USPL1: variants seen among roughly 807,000 people sequenced by gnomAD.
USPL1 encodes the protein SUMO-specific isopeptidase USPL1.
In USPL1, 27 loss-of-function variants were observed where a neutral mutation model predicts 51.5. The ratio of observed to expected loss-of-function variants is 0.52; its 90% CI spans 0.39 to 0.72. The LOEUF is 0.72. Ranked by LOEUF, USPL1 falls within the 30% of genes least tolerant of loss-of-function variation. The probability of loss-of-function intolerance (pLI) is 0.00; values close to 1 mark genes in which losing one functional copy is unlikely to be tolerated. For missense variants in USPL1, 1,226 were observed against 1,268.0 expected, an observed-to-expected ratio of 0.97 and a Z score of 0.50; for synonymous variants, 451 against 459.6, an observed-to-expected ratio of 0.98 and a Z score of 0.24.
At chr13:30,626,778 G>A (rs1489285625) in intron 3 of USPL1, among the ~76,000 whole-genome samples, 3 of 151,866 alleles carry the variant, frequency 2.0e-5, no homozygotes, top group Admixed American at 6.6e-5. Context: ...TTTTTAAACA[G>A]TAGGAAGTTT....
chr13:30,642,120 C>T (rs1460646094), intron 5 of USPL1, among the ~76,000 whole-genome samples: 1 of 152,012 alleles, frequency 6.6e-6, no homozygotes, highest in Non-Finnish European at 1.5e-5. Context: ...GCTATATTGG[C>T]CAGGATGGTC....
At chr13:30,649,404 T>C (rs1400768717) in intron 7 of USPL1, among the ~76,000 whole-genome samples, 1 of 152,248 alleles carries the variant, frequency 6.6e-6, no homozygotes, top group African/African-American at 2.4e-5. Flanking sequence ...TGGTGTCATA[T>C]GTAATTAAAA....
chr13:30,623,787 A>G (rs891601472), intron 3 of USPL1, among the ~76,000 whole-genome samples: 1 of 152,168 alleles, frequency 6.6e-6, no homozygotes, highest in African/African-American at 2.4e-5. Flanking sequence ...ATCAAGCTGT[A>G]TAAAAATATC....
chr13:30,631,229 C>T lies in USPL1; in HGVS notation c.623C>T (p.Ser208Phe), dbSNP rs780881578. The part of the protein sequence containing the change: ...RPSPQNEGCT[S>F]KLEMPLESKC... The stretch of plus-strand genomic sequence containing the variant: ...TCCCCTCAAAATGAAGGATGTACAT[C>T]TAAACTGGAAATGCCACTGGAGAGC... The change falls in exon 4 of 9, where the codon TCT (serine) becomes TTT (phenylalanine). Residue 208 changes from serine (S) to phenylalanine (F), a missense_variant. Physicochemically the swap from Ser to Phe is radical, Grantham distance 155. Coordinates refer to ENST00000255304, the MANE Select transcript of USPL1 (RefSeq NM_005800.5). The T allele has an allele frequency of 3.7e-6, 6 of 1,614,166 alleles. No individual in the cohort carries two copies. The highest frequency in any genetic ancestry group is 1.1e-5 in the South Asian group (1 of 91,086).
intron 4 of USPL1, among the ~76,000 whole-genome samples, chr13:30,636,349 GTT>G (rs536747171): frequency 6.8e-6 from 1 of 146,234 alleles, no homozygotes; most frequent in African/African-American, 2.5e-5. Context: ...TGCAATGTAA[GTT>G]TTTTTTTTTG....
intron 6 of USPL1, 33 bp downstream of exon 6, chr13:30,642,790 T>C: frequency 3.8e-6 from 6 of 1,598,800 alleles, no homozygotes; most frequent in Non-Finnish European, 5.1e-6. Context: ...AATGGGTTCT[T>C]CTAGTTTCTC....
intron 7 of USPL1, among the ~76,000 whole-genome samples, chr13:30,647,696 A>G (rs1285167182): frequency 1.3e-5 from 2 of 151,722 alleles, no homozygotes; most frequent in African/African-American, 4.8e-5. Context: ...CAACCTCTCT[A>G]CTCTTCATTT....
intron 6 of USPL1, among the ~76,000 whole-genome samples, chr13:30,643,327 C>T (rs1377701609): frequency 6.6e-6 from 1 of 152,126 alleles, no homozygotes; most frequent in African/African-American, 2.4e-5. Flanking sequence ...TAATGAATTT[C>T]GTGTTTAGGC....
In USPL1 at chr13:30,646,945, C is replaced by T; in HGVS notation, c.1126C>T (p.Leu376=). 6.2e-7 allele frequency: 1 copy of T among 1,613,394 alleles called. No individual in the cohort carries two copies. The highest frequency in any genetic ancestry group is 1.1e-5 in the South Asian group (1 of 90,890). ...ATTTTTTTATAGGCATATGAAGAGT[C>T]TGGTCACCTTTACAAATGTCATCCC... ...HQYQNRHMKS[L]VTFTNVIPEW... The change falls in exon 7 of 9, where the codon CTG becomes TTG. Residue 376 remains leucine, a synonymous_variant. Transcript: ENST00000255304.
chr13:30,642,021 C>T (rs974922963), intron 5 of USPL1, among the ~76,000 whole-genome samples: 1 of 152,116 alleles, frequency 6.6e-6, no homozygotes, highest in African/African-American at 2.4e-5. Flanking sequence ...AGCCTCCTGC[C>T]TTAGCCTCCT....
chr13:30,646,093 T>C (rs1457621019), intron 6 of USPL1, among the ~76,000 whole-genome samples: 2 of 152,246 alleles, frequency 1.3e-5, no homozygotes, highest in Non-Finnish European at 2.9e-5. Context: ...TGACTACTGA[T>C]GTTTTTAACA....
intron 4 of USPL1, among the ~76,000 whole-genome samples, chr13:30,634,926 A>G (rs963859806): frequency 1.1e-4 from 16 of 152,264 alleles, no homozygotes; most frequent in Non-Finnish European, 1.6e-4. Flanking sequence ...TGCCGTTTCC[A>G]CATTTTGAAG....
intron 8 of USPL1, among the ~76,000 whole-genome samples, chr13:30,654,023 T>C (rs1180782596): frequency 2.0e-5 from 3 of 152,246 alleles, no homozygotes; most frequent in Non-Finnish European, 4.4e-5. Flanking sequence ...AAAAGCACTT[T>C]ACAAACTGTA....
rs377670265 is a variant in USPL1, at chr13:30,619,226, GGAA to G, written c.-69+1177_-69+1179del. Reference sequence around the variant, plus strand: ...ATGTAAGTCAAAGTGAATTGTATTTGGAAGAAGAACTGGGGAGCCCACCTCTGG... The same window carrying G: ...ATGTAAGTCAAAGTGAATTGTATTTGGAAGAACTGGGGAGCCCACCTCTGG... On this transcript the variant is annotated intron_variant, in intron 1 of 8. Coordinates refer to ENST00000255304, the MANE Select transcript of USPL1 (RefSeq NM_005800.5). Among the ~76,000 whole-genome samples, 11 of 152,274 alleles carry G rather than the reference GGAA, an allele frequency of 7.2e-5. No individual in the cohort carries two copies. The East Asian group carries it at 2.1e-3, about 29-fold the overall frequency.
At position 30,646,990 on chromosome 13, in the gene USPL1, G is replaced by A. The variant is rs372154629; in HGVS notation, c.1171G>A (p.Ala391Thr). Residue 391 changes from alanine to threonine, a missense_variant, in exon 7 of 9, where the codon GCT becomes ACT. Coordinates refer to ENST00000255304, the MANE Select transcript of USPL1 (RefSeq NM_005800.5). The stretch of plus-strand genomic sequence containing the variant: ...CATCCCTGAGTGGCACCCACTTAAT[G>A]CTGCCCATTTTGGTCCATGTAACAA... ...NVIPEWHPLN[A>T]AHFGPCNNCN... is the part of the protein sequence containing the mutation. 6.2e-7 allele frequency: 1 copy of A among 1,613,840 alleles called. No individual in the cohort carries two copies. Among genetic ancestry groups the A allele is most frequent in the African/African-American group, 1.3e-5 (1 of 74,882 alleles).
At chr13:30,648,858 G>A (rs1057221749) in intron 7 of USPL1, among the ~76,000 whole-genome samples, 1 of 152,156 alleles carries the variant, frequency 6.6e-6, no homozygotes, top group East Asian at 1.9e-4. Context: ...AAATGTTGAT[G>A]ATGAGGTGAG....
At chr13:30,641,110 A>G (rs1337996705) in intron 5 of USPL1, among the ~76,000 whole-genome samples, 1 of 152,230 alleles carries the variant, frequency 6.6e-6, no homozygotes, top group Non-Finnish European at 1.5e-5. Context: ...CAGATCTAGC[A>G]TTTTTAACCT....
At position 30,658,619 on chromosome 13, in the gene USPL1, T is replaced by C. The variant is rs1951206126; in HGVS notation, c.2542T>C (p.Ser848Pro). The change falls in exon 9 of 9, where the codon TCA becomes CCA. Residue 848 changes from serine (S) to proline (P), a missense_variant. Physicochemically the swap from Ser to Pro is moderately conservative, Grantham distance 74. Transcript: ENST00000255304. ...TAAHPHAHAASEVLEKSGSTS... is the reference protein window; with the variant it reads ...TAAHPHAHAAPEVLEKSGSTS... ...TGCCCACCCACATGCTCATGCTGCT[T>C]CAGAAGTTTTGGAAAAGTCTGGAAG... The C allele has an allele frequency of 1.4e-5, 23 of 1,614,100 alleles. No individual in the cohort carries two copies. Among genetic ancestry groups the C allele is most frequent in the Non-Finnish European group, 1.9e-5 (23 of 1,180,050 alleles).
intron 5 of USPL1, among the ~76,000 whole-genome samples, chr13:30,640,038 A>G (rs1950926537): frequency 6.6e-6 from 1 of 152,178 alleles, no homozygotes; most frequent in Non-Finnish European, 1.5e-5. Context: ...GTGCAGGAGG[A>G]TTCCTCTCTT....
Sources: allele counts gnomAD v4.1 joint callset (sites outside exome capture counted in the v4.1 genomes callset), GRCh38; gene constraint gnomAD v4.1.1; transcripts MANE v1.5; gene names NCBI Gene and HGNC (gene_info 2026-07-23, HGNC 2026-07-21).